RAB3C: variants seen among roughly 807,000 people sequenced by gnomAD.
RAB3C encodes the protein RAB3C, member RAS oncogene family.
Under a neutral mutation model 26.4 loss-of-function variants are expected in RAB3C, and 17 were observed. The observed-to-expected ratio is 0.64, with a 90% CI of 0.44 to 0.97. The LOEUF is 0.97. Ranked by LOEUF, RAB3C falls within the 50% of genes least tolerant of loss-of-function variation. The pLI is 0.00. For synonymous variants in RAB3C, 91 were observed against 95.9 expected, an observed-to-expected ratio of 0.95 and a Z score of 0.30; for missense variants, 242 against 281.9, an observed-to-expected ratio of 0.86 and a Z score of 1.01.
intron 2 of RAB3C, among the ~76,000 whole-genome samples, chr5:58,697,250 T>C (rs1748727263): frequency 6.6e-6 from 1 of 152,230 alleles, no homozygotes; most frequent in Non-Finnish European, 1.5e-5. Flanking sequence ...AGTTTCTTAA[T>C]CCTGAGTTTT....
At position 58,583,083 on chromosome 5, in the gene RAB3C, T is replaced by C; in HGVS notation, c.-126T>C. 1.3e-6 allele frequency: 2 copies of C among 1,550,754 alleles called. No individual in the cohort carries two copies. Among genetic ancestry groups the C allele is most frequent in the Non-Finnish European group, 1.7e-6 (2 of 1,151,510 alleles). On this transcript the variant is annotated 5_prime_UTR_variant, in exon 1 of 5. The change abolishes an upstream ATG in the 5' untranslated region. Coordinates refer to ENST00000282878, the MANE Select transcript of RAB3C (RefSeq NM_138453.4). ...CAGGAGAGGACAGCTCCAGTGCTGA[T>C]GTTGGAGCCGGTTAGCGAACCCCAA...
At chr5:58,781,146 TA>T (rs1049493033) in intron 3 of RAB3C, among the ~76,000 whole-genome samples, 3 of 151,084 alleles carry the variant, frequency 2.0e-5, no homozygotes, top group Non-Finnish European at 4.4e-5. Context: ...ATCAGTCAAA[TA>T]AAAAAAAAGT....
intron 1 of RAB3C, among the ~76,000 whole-genome samples, chr5:58,587,796 G>A (rs189003635): frequency 8.3e-4 from 126 of 152,150 alleles, no homozygotes; most frequent in Non-Finnish European, 1.4e-3. Context: ...GACCAATCAC[G>A]GGTTAGCTGT....
chr5:58,792,706 G>C (rs1459634625), intron 3 of RAB3C, among the ~76,000 whole-genome samples: 1 of 151,952 alleles, frequency 6.6e-6, no homozygotes, highest in African/African-American at 2.4e-5. Context: ...GTTAATAATT[G>C]TGATGTGGAA....
intron 3 of RAB3C, among the ~76,000 whole-genome samples, chr5:58,771,329 C>T (rs932924051): frequency 6.6e-6 from 1 of 151,752 alleles, no homozygotes; most frequent in Admixed American, 6.6e-5. Flanking sequence ...TCTGTTTTGT[C>T]AAGGAATAAG....
In RAB3C at chr5:58,825,041, A is replaced by G; in HGVS notation, c.375A>G (p.Ser125=). 1 of 1,603,738 alleles carries G rather than the reference A, an allele frequency of 6.2e-7. No homozygotes were observed. The highest frequency in any genetic ancestry group is 1.3e-5 in the African/African-American group (1 of 74,450). Residue 125 remains serine, a synonymous_variant, in exon 4 of 5, where the codon TCA becomes TCG. Transcript: ENST00000282878. The part of the protein sequence containing the change: ...EESFNAVQDW[S]TQIKTYSWDN... ...ATGCTTCTTCTTTTTCTTTTAGGTC[A>G]ACTCAAATCAAAACATACTCTTGGG...
chr5:58,585,468 G>C (rs968402164), intron 1 of RAB3C, among the ~76,000 whole-genome samples: 3 of 151,674 alleles, frequency 2.0e-5, no homozygotes, highest in Admixed American at 6.6e-5. Flanking sequence ...ACTTAGGTCT[G>C]TAGAAGATGA....
At chr5:58,696,413 G>C (rs748020912) in intron 2 of RAB3C, among the ~76,000 whole-genome samples, 5 of 152,086 alleles carry the variant, frequency 3.3e-5, no homozygotes, top group Non-Finnish European at 7.4e-5. Context: ...GCCAGACCTT[G>C]GTATCAGGAT....
intron 1 of RAB3C, among the ~76,000 whole-genome samples, chr5:58,587,983 C>T (rs927907444): frequency 1.3e-5 from 2 of 152,086 alleles, no homozygotes; most frequent in African/African-American, 2.4e-5. Flanking sequence ...TGGCTTATTT[C>T]GTTCAGCATA....
chr5:58,793,294 C>T (rs956197279), intron 3 of RAB3C, among the ~76,000 whole-genome samples: 12 of 152,114 alleles, frequency 7.9e-5, no homozygotes, highest in African/African-American at 2.4e-4. Context: ...CGCGGTGGCT[C>T]GTGCCTGTAA....
chr5:58,772,874 GTAA>G (rs1742056920), intron 3 of RAB3C, among the ~76,000 whole-genome samples: 2 of 152,050 alleles, frequency 1.3e-5, no homozygotes, highest in African/African-American at 4.8e-5. Flanking sequence ...ATCTTTTTCA[GTAA>G]CAAAGAAAAA....
intron 3 of RAB3C, among the ~76,000 whole-genome samples, chr5:58,782,161 G>C (rs1027347617): frequency 2.0e-5 from 3 of 152,114 alleles, no homozygotes; most frequent in Non-Finnish European, 4.4e-5. Flanking sequence ...AAGAATGAAT[G>C]AATGAATGGG....
rs565669512 is a variant in RAB3C, at chr5:58,604,370, C to T, written c.25-13273C>T. On this transcript the variant is annotated intron_variant, in intron 1 of 4. Transcript: ENST00000282878. ...GGCGGTAGGCGGGGCCTTAGACCTC[C>T]CAAGATTATATGCCCTTTGTCTTCC... Among the ~76,000 whole-genome samples the T allele has an allele frequency of 2.0e-5, 3 of 152,266 alleles. No homozygotes were observed. In the East Asian group the frequency reaches 5.8e-4, roughly 29 times the overall value.
intron 3 of RAB3C, among the ~76,000 whole-genome samples, chr5:58,757,593 A>G (rs1375024304): frequency 6.6e-6 from 1 of 152,252 alleles, no homozygotes; most frequent in Non-Finnish European, 1.5e-5. Flanking sequence ...ATCTGAAAGC[A>G]CATCACGTCC....
Position 58,855,097 on chromosome 5 carries a change from T to A in RAB3C, c.*3746T>A, listed in dbSNP as rs1445512930. The A allele has an allele frequency of 6.6e-6, 1 of 152,200 alleles. No individual in the cohort carries two copies. Among genetic ancestry groups the A allele is most frequent in the Non-Finnish European group, 1.5e-5 (1 of 68,036 alleles). 9.4% of individuals were successfully genotyped at this position (152,200 alleles called of 1,614,324 possible). ...GTCCATAATCAGTGGTTCATTGTGA[T>A]GTGCTTTATCCAACATGTATCTTAG... On this transcript the variant is annotated 3_prime_UTR_variant, in exon 5 of 5. Coordinates refer to ENST00000282878, the MANE Select transcript of RAB3C (RefSeq NM_138453.4).
At position 58,660,098 on chromosome 5, in the gene RAB3C, C is replaced by CA. The variant is rs1747870024; in HGVS notation, c.252+42228_252+42229insA. ...GGGATTACAGGTGTGAGCCACCACA[C>CA]CTGGCTTTTCTTAAATTCCTAATAC... On this transcript the variant is annotated intron_variant, in intron 2 of 4. Transcript: ENST00000282878. 9.9e-5 allele frequency among the ~76,000 whole-genome samples: 14 copies of CA among 140,980 alleles called. 1 individual carries two copies. Among genetic ancestry groups the CA allele is most frequent in the African/African-American group, 3.6e-4 (11 of 30,952 alleles). 92.5% of individuals were successfully genotyped at this position (140,980 alleles called of 152,430 possible). A position where few individuals can be genotyped will look rare whatever the true frequency, so the allele number is the denominator to read the frequency against.
chr5:58,583,115 A>G lies in RAB3C; in HGVS notation c.-94A>G, dbSNP rs1373711783. On this transcript the variant is annotated 5_prime_UTR_variant, in exon 1 of 5. Transcript: ENST00000282878. Reference sequence around the variant, plus strand: ...GCCGGTTAGCGAACCCCAAGAGTGCAGAGTGTGGAGCGTGGAGCGCCGGGA... The same window carrying G: ...GCCGGTTAGCGAACCCCAAGAGTGCGGAGTGTGGAGCGTGGAGCGCCGGGA... 67 of 1,601,144 alleles carry G rather than the reference A, an allele frequency of 4.2e-5. No homozygotes were observed. In the Admixed American group the frequency reaches 6.9e-4, roughly 17 times the overall value.
At chr5:58,830,285 T>C (rs1156467682) in intron 4 of RAB3C, among the ~76,000 whole-genome samples, 3 of 152,170 alleles carry the variant, frequency 2.0e-5, no homozygotes, top group Non-Finnish European at 4.4e-5. Flanking sequence ...GAACCAATTA[T>C]CTCTGGAAGT....
rs1476991174 is a variant in RAB3C, at chr5:58,720,552, C to G, written c.253-5450C>G. On this transcript the variant is annotated intron_variant, in intron 2 of 4. Coordinates refer to ENST00000282878, the MANE Select transcript of RAB3C (RefSeq NM_138453.4). ...TTATTCTATTTCACTTCTTTATGTC[C>G]ATTTGGAAACTCATTAGGTTTTTTG... Among the ~76,000 whole-genome samples, 34 of 151,822 alleles carry G rather than the reference C, an allele frequency of 2.2e-4. 1 individual carries two copies. The highest frequency in any genetic ancestry group is 2.2e-3 in the Admixed American group (34 of 15,210).
Sources: allele counts gnomAD v4.1 joint callset (sites outside exome capture counted in the v4.1 genomes callset), GRCh38; gene constraint gnomAD v4.1.1; transcripts MANE v1.5; gene names NCBI Gene and HGNC (gene_info 2026-07-23, HGNC 2026-07-21).